The following LRRIQ1 variants were observed in gnomAD, a reference collection of about 807,000 sequenced individuals.
LRRIQ1 encodes leucine rich repeats and IQ motif containing 1.
In LRRIQ1, 210 loss-of-function variants were observed where a neutral mutation model predicts 211.9. That is an observed-to-expected ratio of 0.99 (90% CI 0.89 to 1.11). LRRIQ1 has a LOEUF of 1.11. Among genes scored for constraint, LRRIQ1 ranks in the 50% most tolerant of loss-of-function variants. The probability of loss-of-function intolerance (pLI) is 0.00; values close to 1 mark genes in which losing one functional copy is unlikely to be tolerated. For missense variants in LRRIQ1, 2,136 were observed against 1,939.5 expected (o/e 1.10, Z -1.90); for synonymous variants, 699 against 650.1 (o/e 1.08, Z -1.14).
At chr12:85,085,783 G>C (rs1884755553) in intron 11 of LRRIQ1, among the ~76,000 whole-genome samples, 1 of 152,112 alleles carries the variant, frequency 6.6e-6, no homozygotes, top group African/African-American at 2.4e-5. Context: ...TCTTCTTTAT[G>C]GCTGTGTAGT....
chr12:85,121,996 G>A (rs1021608303), intron 16 of LRRIQ1, 120 bp downstream of exon 16: 1 of 757,038 alleles, frequency 1.3e-6, no homozygotes, highest in Non-Finnish European at 1.8e-6. Context: ...TGTGTTTTGG[G>A]GATATTCTAC....
intron 23 of LRRIQ1, among the ~76,000 whole-genome samples, chr12:85,158,634 G>A (rs1377750309): frequency 6.6e-6 from 1 of 151,846 alleles, no homozygotes; most frequent in East Asian, 1.9e-4. Context: ...ATAGGGACAT[G>A]GTTACTTACC....
chr12:85,215,171 A>G (rs1363143290), intron 24 of LRRIQ1, among the ~76,000 whole-genome samples: 1 of 152,218 alleles, frequency 6.6e-6, no homozygotes, highest in African/African-American at 2.4e-5. Flanking sequence ...TATAGAGGAC[A>G]AGAACCAATG....
At chr12:85,188,481 T>C (rs1892336856) in intron 24 of LRRIQ1, among the ~76,000 whole-genome samples, 1 of 152,160 alleles carries the variant, frequency 6.6e-6, no homozygotes, top group African/African-American at 2.4e-5. Flanking sequence ...CCTTTGATTG[T>C]TATTTTCCAG....
intron 24 of LRRIQ1, among the ~76,000 whole-genome samples, chr12:85,215,168 G>A (rs929789640): frequency 3.3e-5 from 5 of 152,062 alleles, no homozygotes; most frequent in Non-Finnish European, 7.4e-5. Context: ...TATTATAGAG[G>A]ACAAGAACCA....
In LRRIQ1 at chr12:85,153,018, G is replaced by T; in HGVS notation, c.4420-6G>T. The stretch of plus-strand genomic sequence containing the variant: ...CTTCACACTTATTTACTTTTTTTGT[G>T]AAAAGATTCCTGGAAACTTAAAATG... On this transcript the variant is annotated splice_polypyrimidine_tract_variant and splice_region_variant and intron_variant, in intron 20 of 26. Coordinates refer to ENST00000393217, the MANE Select transcript of LRRIQ1 (RefSeq NM_001079910.2). 1 of 1,529,094 alleles carries T rather than the reference G, an allele frequency of 6.5e-7. No homozygotes were observed. Among genetic ancestry groups the T allele is most frequent in the Non-Finnish European group, 8.9e-7 (1 of 1,128,758 alleles). The allele number at this position is 1,529,094 out of a possible 1,614,324, so 94.7% of individuals were successfully genotyped here.
chr12:85,125,886 A>G (rs1407966080), intron 17 of LRRIQ1, among the ~76,000 whole-genome samples: 2 of 152,236 alleles, frequency 1.3e-5, no homozygotes, highest in East Asian at 1.9e-4. Context: ...AACTGAAAAT[A>G]TAGATAAACT....
intron 18 of LRRIQ1, among the ~76,000 whole-genome samples, chr12:85,135,512 C>CA (rs79962163): frequency 0.22 from 33,164 of 150,852 alleles, 4,283 homozygotes; most frequent in Admixed American, 0.31. Context: ...TGTAAAAATA[C>CA]AAAAAAAATA....
intron 15 of LRRIQ1, among the ~76,000 whole-genome samples, chr12:85,108,133 A>C (rs1022589146): frequency 6.6e-6 from 1 of 152,022 alleles, no homozygotes; most frequent in Non-Finnish European, 1.5e-5. Flanking sequence ...CCAATGCTTA[A>C]TTTCATTGTA....
At chr12:85,266,847 A>G (rs1426887688), downstream of LRRIQ1, among the ~76,000 whole-genome samples, 1 of 152,154 alleles carries the variant, frequency 6.6e-6, no homozygotes, top group Non-Finnish European at 1.5e-5. Flanking sequence ...AGCTTTTGAG[A>G]AAAGTGAGCC....
intron 17 of LRRIQ1, among the ~76,000 whole-genome samples, chr12:85,126,557 G>A (rs1888381021): frequency 1.3e-5 from 2 of 151,986 alleles, no homozygotes. Context: ...ACAAAGTTCT[G>A]TTTACCCTAG....
chr12:85,222,585 A>G (rs1033606591), intron 24 of LRRIQ1, among the ~76,000 whole-genome samples: 1 of 152,230 alleles, frequency 6.6e-6, no homozygotes, highest in Admixed American at 6.6e-5. Context: ...GGAGAAAGCC[A>G]TAACGCAGAT....
chr12:85,228,511 T>A (rs1592999188), intron 24 of LRRIQ1, among the ~76,000 whole-genome samples: 2 of 152,300 alleles, frequency 1.3e-5, no homozygotes, highest in East Asian at 3.9e-4. Flanking sequence ...TAACAGAGTT[T>A]TAGATACCCA....
chr12:85,131,212 C>CAA (rs111605863), intron 18 of LRRIQ1, among the ~76,000 whole-genome samples: 8 of 127,636 alleles, frequency 6.3e-5, no homozygotes, highest in South Asian at 2.6e-4. Context: ...GATTTTGTCT[C>CAA]AAAAAAAAAA....
chr12:85,077,225 G>C (rs1166718192), intron 11 of LRRIQ1, among the ~76,000 whole-genome samples: 1 of 152,150 alleles, frequency 6.6e-6, no homozygotes, highest in Admixed American at 6.6e-5. Flanking sequence ...TGTTTTATTA[G>C]ACCATTGGCT....
intron 11 of LRRIQ1, chr12:85,076,485 C>A: frequency 4.2e-6 from 1 of 240,090 alleles, no homozygotes; most frequent in Non-Finnish European, 6.7e-6. Flanking sequence ...ATAAATTTCA[C>A]ATCATATATT....
intron 14 of LRRIQ1, among the ~76,000 whole-genome samples, chr12:85,104,594 G>A (rs895543663): frequency 3.3e-5 from 5 of 151,654 alleles, no homozygotes; most frequent in African/African-American, 4.8e-5. Context: ...TGTGATATTA[G>A]CATCTGACAT....
chr12:85,222,270 A>T (rs1054598057), intron 24 of LRRIQ1, among the ~76,000 whole-genome samples: 1 of 152,172 alleles, frequency 6.6e-6, no homozygotes, highest in Non-Finnish European at 1.5e-5. Context: ...GGATATCATT[A>T]TACGGAGAGA....
chr12:85,258,391 AC>A (rs1323772489), intron 1 of LRRIQ1, among the ~76,000 whole-genome samples: 1 of 151,926 alleles, frequency 6.6e-6, no homozygotes, highest in African/African-American at 2.4e-5. Context: ...GTACAAAAAT[AC>A]TTTTATTCAC....
Sources: gnomAD v4.1 joint callset for allele counts (sites outside exome capture counted in the v4.1 genomes callset) on GRCh38, gnomAD v4.1.1 for gene constraint, MANE v1.5 for transcripts, NCBI Gene and HGNC (gene_info 2026-07-23, HGNC 2026-07-21) for gene names.